Variants in MED13L observed in about 807,000 individuals in gnomAD.
MED13L encodes the protein mediator of RNA polymerase II transcription subunit 13-like.
In MED13L, 7 loss-of-function variants were observed where a neutral mutation model predicts 220.9. The observed-to-expected ratio is 0.03, with a 90% CI of 0.02 to 0.06. The LOEUF (loss-of-function observed/expected upper bound fraction) is 0.06, where lower values mean the gene tolerates loss of function less well. Among genes scored for constraint, MED13L ranks in the 10% least tolerant of loss-of-function variants. The probability of loss-of-function intolerance (pLI) is 1.00; values close to 1 mark genes in which losing one functional copy is unlikely to be tolerated. For synonymous variants in MED13L, 1,011 were observed against 1,015.2 expected, an observed-to-expected ratio of 1.00 and a Z score of 0.08; for missense variants, 1,965 against 2,760.5, an observed-to-expected ratio of 0.71 and a Z score of 6.46.
intron 24 of MED13L, 61 bp downstream of exon 24, chr12:115,975,454 T>A (rs1209448584): frequency 1.3e-6 from 2 of 1,595,106 alleles, no homozygotes; most frequent in East Asian, 2.3e-5. Flanking sequence ...CTGGAAATAT[T>A]CATATTTGAG....
intron 2 of MED13L, among the ~76,000 whole-genome samples, chr12:116,174,076 A>G (rs1258287229): frequency 6.6e-6 from 1 of 152,228 alleles, no homozygotes; most frequent in African/African-American, 2.4e-5. Context: ...TCTGGGTTAC[A>G]GAGCAAGACC....
At chr12:116,086,439 C>T (rs1322576524) in intron 4 of MED13L, among the ~76,000 whole-genome samples, 3 of 151,950 alleles carry the variant, frequency 2.0e-5, no homozygotes, top group Admixed American at 6.6e-5. Context: ...TGCACCACCA[C>T]GCCCAGCTAA....
At chr12:116,128,692 A>G (rs759986517) in intron 2 of MED13L, among the ~76,000 whole-genome samples, 21 of 152,352 alleles carry the variant, frequency 1.4e-4, no homozygotes, top group South Asian at 6.2e-4. Context: ...CTTAATCACT[A>G]TAAATTTACA....
chr12:116,083,811 G>C (rs1871403181), intron 4 of MED13L, among the ~76,000 whole-genome samples: 2 of 152,180 alleles, frequency 1.3e-5, no homozygotes, highest in Middle Eastern at 6.8e-3. Context: ...GTTACAATTT[G>C]GTCCCTCAGT....
chr12:116,034,592 G>GGT (rs1033600379), intron 4 of MED13L, among the ~76,000 whole-genome samples: 2 of 152,156 alleles, frequency 1.3e-5, no homozygotes, highest in Admixed American at 1.3e-4. Flanking sequence ...GGGCTAGAAA[G>GGT]GTGACTAGCA....
At chr12:116,190,364 CT>C (rs1881194189) in intron 2 of MED13L, among the ~76,000 whole-genome samples, 1 of 152,060 alleles carries the variant, frequency 6.6e-6, no homozygotes, top group African/African-American at 2.4e-5. Context: ...TGAACATGAC[CT>C]TCTCAAAATT....
At chr12:116,246,300 A>G (rs1194433357) in intron 1 of MED13L, among the ~76,000 whole-genome samples, 1 of 152,136 alleles carries the variant, frequency 6.6e-6, no homozygotes, top group South Asian at 2.1e-4. Context: ...GATTCAGGAA[A>G]CAGACCTGAG....
chr12:116,168,166 T>C (rs1879419178), intron 2 of MED13L, among the ~76,000 whole-genome samples: 1 of 152,058 alleles, frequency 6.6e-6, no homozygotes, highest in Non-Finnish European at 1.5e-5. Context: ...CACATGAATA[T>C]ACCTTTCAAA....
At chr12:116,205,681 T>C (rs1882272457) in intron 2 of MED13L, among the ~76,000 whole-genome samples, 1 of 152,064 alleles carries the variant, frequency 6.6e-6, no homozygotes, top group Non-Finnish European at 1.5e-5. Context: ...AAAAGGTATA[T>C]TTTGGTAAAT....
At chr12:116,027,206 G>C (rs945477592) in intron 4 of MED13L, among the ~76,000 whole-genome samples, 1 of 152,232 alleles carries the variant, frequency 6.6e-6, no homozygotes, top group Admixed American at 6.5e-5. Context: ...GCAGATCGCT[G>C]AGCTCAGGAG....
At position 115,960,320 on chromosome 12, in the gene MED13L, C is replaced by G. The variant is rs1875682301; in HGVS notation, c.*946G>C. On this transcript the variant is annotated 3_prime_UTR_variant, in exon 31 of 31. Coordinates refer to ENST00000281928, the MANE Select transcript of MED13L (RefSeq NM_015335.5). ...ACTAGAAAATATATTTCCGTTGTGA[C>G]TATATAAAACTAATTAAGGTACTTG... 6.6e-6 allele frequency: 1 copy of G among 152,610 alleles called. No individual in the cohort carries two copies. The highest frequency in any genetic ancestry group is 6.5e-5 in the Admixed American group (1 of 15,270). 9.5% of individuals were successfully genotyped at this position (152,610 alleles called of 1,614,324 possible).
intron 1 of MED13L, among the ~76,000 whole-genome samples, chr12:116,249,018 T>C (rs191388297): frequency 1.3e-4 from 20 of 152,270 alleles, no homozygotes; most frequent in Admixed American, 1.2e-3. Flanking sequence ...CCAGAAAGAA[T>C]ATTCAGGAAA....
intron 8 of MED13L, among the ~76,000 whole-genome samples, chr12:116,013,104 G>A (rs906768018): frequency 6.6e-6 from 1 of 152,180 alleles, no homozygotes; most frequent in East Asian, 1.9e-4. Context: ...GGGCGCATGT[G>A]GTTCATACTT....
chr12:116,063,729 CT>C (rs1869697621), intron 4 of MED13L, among the ~76,000 whole-genome samples: 1 of 152,130 alleles, frequency 6.6e-6, no homozygotes, highest in Non-Finnish European at 1.5e-5. Context: ...AAATACACAC[CT>C]TTAAAATTTT....
At chr12:116,121,463 T>C (rs1230567988) in intron 2 of MED13L, among the ~76,000 whole-genome samples, 3 of 152,022 alleles carry the variant, frequency 2.0e-5, no homozygotes, top group Non-Finnish European at 4.4e-5. Flanking sequence ...CTTGGAAAGA[T>C]ATCCCTTCCA....
At chr12:116,148,375 A>T (rs1317157670) in intron 2 of MED13L, among the ~76,000 whole-genome samples, 3 of 151,958 alleles carry the variant, frequency 2.0e-5, no homozygotes, top group Non-Finnish European at 4.4e-5. Flanking sequence ...GGTGAACCTT[A>T]TAAATGGGAT....
Position 115,975,205 on chromosome 12 carries a change from C to T in MED13L, c.5697G>A (p.Gly1899=), listed in dbSNP as rs758420632. The stretch of plus-strand genomic sequence containing the variant: ...CCCCATGGCCAAGACGCCCAAGTCG[C>T]CCGATTACAACTCTCCAGGGTAGAG... ...MTSLPWRVVI[G]RLGRLGHGEL... Residue 1899 remains glycine, a synonymous_variant, in exon 25 of 31, where the codon GGG becomes GGA. Coordinates refer to ENST00000281928, the MANE Select transcript of MED13L (RefSeq NM_015335.5). 89 of 1,614,168 alleles carry T rather than the reference C, an allele frequency of 5.5e-5. 1 individual carries two copies. The South Asian group carries it at 9.4e-4, about 17-fold the overall frequency.
chr12:116,143,923 A>G (rs1371105247), intron 2 of MED13L, among the ~76,000 whole-genome samples: 4 of 152,224 alleles, frequency 2.6e-5, no homozygotes, highest in Non-Finnish European at 5.9e-5. Context: ...TGGATTGGCT[A>G]AAAGAGACCA....
intron 4 of MED13L, among the ~76,000 whole-genome samples, chr12:116,063,056 A>G (rs1869638843): frequency 6.6e-6 from 1 of 152,120 alleles, no homozygotes. Context: ...GCCCAAAACA[A>G]TCTTACTCTG....
Sources: gnomAD v4.1 joint callset for allele counts (sites outside exome capture counted in the v4.1 genomes callset) on GRCh38, gnomAD v4.1.1 for gene constraint, MANE v1.5 for transcripts, NCBI Gene and HGNC (gene_info 2026-07-23, HGNC 2026-07-21) for gene names.